MECOM: variants seen among roughly 807,000 people sequenced by gnomAD.
MECOM encodes the protein MDS1 and EVI1 complex locus.
In MECOM, 13 loss-of-function variants were observed where a neutral mutation model predicts 116.3. The observed-to-expected ratio is 0.11, with a 90% CI of 0.07 to 0.18. The LOEUF is 0.18. Among genes scored for constraint, MECOM ranks in the 10% least tolerant of loss-of-function variants. The probability of loss-of-function intolerance (pLI) is 1.00; values close to 1 mark genes in which losing one functional copy is unlikely to be tolerated. For missense variants in MECOM, 1,299 were observed against 1,509.0 expected (o/e 0.86, Z 2.31); for synonymous variants, 528 against 535.2 (o/e 0.99, Z 0.19).
At chr3:169,378,878 G>C (rs906262343) in intron 2 of MECOM, among the ~76,000 whole-genome samples, 5 of 151,930 alleles carry the variant, frequency 3.3e-5, no homozygotes, top group African/African-American at 1.2e-4. Flanking sequence ...ATAATTGTTT[G>C]CTGAACATGG....
chr3:169,583,214 G>A (rs1765328798), intron 1 of MECOM, among the ~76,000 whole-genome samples: 1 of 152,150 alleles, frequency 6.6e-6, no homozygotes, highest in Non-Finnish European at 1.5e-5. Context: ...GAATGAGCAG[G>A]CAGAGTAGTA....
chr3:169,559,857 C>T (rs776084598), intron 1 of MECOM, among the ~76,000 whole-genome samples: 5 of 152,142 alleles, frequency 3.3e-5, no homozygotes, highest in Non-Finnish European at 4.4e-5. Context: ...AGGGAAAATG[C>T]TTTCTGAGTT....
intron 3 of MECOM, among the ~76,000 whole-genome samples, chr3:169,135,178 G>A (rs1160018040): frequency 6.6e-6 from 1 of 151,944 alleles, no homozygotes; most frequent in Admixed American, 6.6e-5. Context: ...TCATTTTTGT[G>A]TTGGAGAAAA....
chr3:169,145,035 A>G, intron 2 of MECOM: 2 of 1,554,896 alleles, frequency 1.3e-6, no homozygotes, highest in Non-Finnish European at 8.7e-7. Flanking sequence ...CAAGGGCTTT[A>G]GTCAAGAAGC....
intron 2 of MECOM, among the ~76,000 whole-genome samples, chr3:169,340,417 A>T (rs978758959): frequency 6.6e-6 from 1 of 152,040 alleles, no homozygotes. Flanking sequence ...GTTTGGATTT[A>T]TTTTCTACTT....
intron 1 of MECOM, among the ~76,000 whole-genome samples, chr3:169,601,439 A>T (rs1767819121): frequency 1.3e-5 from 2 of 152,222 alleles, no homozygotes; most frequent in Admixed American, 1.3e-4. Context: ...CATTCCCACA[A>T]GGAATAGAGC....
intron 1 of MECOM, among the ~76,000 whole-genome samples, chr3:169,469,221 A>G (rs1401704231): frequency 6.6e-6 from 1 of 152,172 alleles, no homozygotes; most frequent in Non-Finnish European, 1.5e-5. Context: ...AAGGTTTCCC[A>G]GGTAAAGGTG....
chr3:169,323,090 G>A (rs1442867392), intron 2 of MECOM, among the ~76,000 whole-genome samples: 1 of 150,160 alleles, frequency 6.7e-6, no homozygotes, highest in Non-Finnish European at 1.5e-5. Context: ...GGTTTTCCAG[G>A]GAAAACATGT....
chr3:169,549,168 C>T (rs953173494), intron 1 of MECOM, among the ~76,000 whole-genome samples: 5 of 152,174 alleles, frequency 3.3e-5, no homozygotes, highest in African/African-American at 9.6e-5. Flanking sequence ...GACAGGGTTA[C>T]ACCATGTTGG....
chr3:169,174,132 T>C (rs1378759654), intron 2 of MECOM, among the ~76,000 whole-genome samples: 1 of 152,212 alleles, frequency 6.6e-6, no homozygotes, highest in Non-Finnish European at 1.5e-5. Context: ...CTCCCAGTGA[T>C]GGGCATTTTG....
chr3:169,372,483 G>A (rs775563960), intron 2 of MECOM, among the ~76,000 whole-genome samples: 8 of 151,856 alleles, frequency 5.3e-5, no homozygotes, highest in South Asian at 2.1e-4. Flanking sequence ...CTGAACCCTC[G>A]TTTTCATTGT....
chr3:169,095,882 A>G (rs1177877577), intron 12 of MECOM, among the ~76,000 whole-genome samples: 2 of 152,060 alleles, frequency 1.3e-5, no homozygotes, highest in African/African-American at 4.8e-5. Flanking sequence ...CTCTTTTTGG[A>G]ATGAAAGCAA....
intron 2 of MECOM, among the ~76,000 whole-genome samples, chr3:169,303,118 C>A (rs181566033): frequency 1.8e-3 from 268 of 152,166 alleles, no homozygotes; most frequent in African/African-American, 6.2e-3. Flanking sequence ...TTTATGTCAC[C>A]GATCAAGAGA....
At chr3:169,483,785 C>G in intron 1 of MECOM, 1 of 1,611,366 alleles carries the variant, frequency 6.2e-7, no homozygotes, top group East Asian at 2.2e-5. Context: ...TATTCTTCTT[C>G]AAATATTTTT....
At chr3:169,567,555 G>A (rs1009829334) in intron 1 of MECOM, among the ~76,000 whole-genome samples, 3 of 152,172 alleles carry the variant, frequency 2.0e-5, no homozygotes, top group Admixed American at 6.5e-5. Flanking sequence ...GTCAGATACA[G>A]TAAGGCTCCT....
chr3:169,087,173 C>A (rs1718053060), intron 16 of MECOM, among the ~76,000 whole-genome samples: 1 of 152,128 alleles, frequency 6.6e-6, no homozygotes. Context: ...ATAATTATAT[C>A]CCTTATCTGT....
At chr3:169,243,032 C>A (rs571390667) in intron 2 of MECOM, among the ~76,000 whole-genome samples, 1 of 152,180 alleles carries the variant, frequency 6.6e-6, no homozygotes, top group Non-Finnish European at 1.5e-5. Flanking sequence ...TCCATCAAAT[C>A]TAGAATGCAA....
chr3:169,559,964 G>C (rs1054310931), intron 1 of MECOM, among the ~76,000 whole-genome samples: 2 of 152,046 alleles, frequency 1.3e-5, no homozygotes, highest in Non-Finnish European at 2.9e-5. Flanking sequence ...TTTTCATACA[G>C]GATAATCTGA....
chr3:169,404,688 G>C (rs1054674563), intron 1 of MECOM, among the ~76,000 whole-genome samples: 2 of 152,128 alleles, frequency 1.3e-5, no homozygotes, highest in African/African-American at 4.8e-5. Context: ...GCAGACCAGA[G>C]AGCGCCACGC....
Sources: gnomAD v4.1 joint callset for allele counts (sites outside exome capture counted in the v4.1 genomes callset) on GRCh38, gnomAD v4.1.1 for gene constraint, MANE v1.5 for transcripts, NCBI Gene and HGNC (gene_info 2026-07-23, HGNC 2026-07-21) for gene names.